The following SAMD13 variants were observed in gnomAD, a reference collection of about 807,000 sequenced individuals.
SAMD13 encodes sterile alpha motif domain-containing protein 13.
Under a neutral mutation model 12.4 loss-of-function variants are expected in SAMD13, and 9 were observed. The observed-to-expected ratio is 0.72, with a 90% CI of 0.44 to 1.26. The LOEUF (loss-of-function observed/expected upper bound fraction) is 1.26, where lower values mean the gene tolerates loss of function less well. SAMD13 is among the 50% of genes most tolerant of loss of function. The pLI, the probability that SAMD13 is intolerant of heterozygous loss-of-function variation, is 0.00. For missense variants in SAMD13, 84 were observed against 119.6 expected (o/e 0.70, Z 1.39); for synonymous variants, 46 against 45.4 (o/e 1.01, Z -0.05).
chr1:84,305,160 T>C (rs899569474), intron 2 of SAMD13, among the ~76,000 whole-genome samples: 32 of 152,338 alleles, frequency 2.1e-4, no homozygotes, highest in Admixed American at 1.9e-3. Context: ...CATGTTCCAG[T>C]TGTTCCACAT....
intron 3 of SAMD13, among the ~76,000 whole-genome samples, chr1:84,326,807 A>G (rs1046462529): frequency 6.6e-6 from 1 of 152,312 alleles, no homozygotes; most frequent in East Asian, 1.9e-4. Context: ...TGGATAAGGT[A>G]AACTTTTCTA....
chr1:84,326,309 C>A (rs1373234876), intron 3 of SAMD13, among the ~76,000 whole-genome samples: 1 of 152,164 alleles, frequency 6.6e-6, no homozygotes, highest in African/African-American at 2.4e-5. Flanking sequence ...ATATCTATAA[C>A]ATCAGACTGT....
chr1:84,342,131 C>A (rs1267715375), intron 3 of SAMD13, among the ~76,000 whole-genome samples: 2 of 152,140 alleles, frequency 1.3e-5, no homozygotes, highest in African/African-American at 4.8e-5. Flanking sequence ...ATCATCCCTT[C>A]CCATCTCATT....
chr1:84,334,495 T>A (rs1338124010), intron 3 of SAMD13, among the ~76,000 whole-genome samples: 1 of 152,122 alleles, frequency 6.6e-6, no homozygotes, highest in Admixed American at 6.6e-5. Flanking sequence ...CATTTATTCT[T>A]TCAAAGGACC....
At chr1:84,325,887 G>T in intron 3 of SAMD13, 139 bp downstream of exon 3, 1 of 623,064 alleles carries the variant, frequency 1.6e-6, no homozygotes. Flanking sequence ...AGAAACTGAG[G>T]GGAAGGAGAA....
chr1:84,317,928 C>T (rs1678869278), intron 2 of SAMD13, among the ~76,000 whole-genome samples: 1 of 152,038 alleles, frequency 6.6e-6, no homozygotes, highest in South Asian at 2.1e-4. Context: ...GGGTTGTATG[C>T]TTCTAGGGAC....
intron 2 of SAMD13, among the ~76,000 whole-genome samples, chr1:84,317,043 T>C (rs1432982390): frequency 6.6e-6 from 1 of 152,158 alleles, no homozygotes; most frequent in Non-Finnish European, 1.5e-5. Flanking sequence ...TTTTTCTATG[T>C]TGATTTTTGT....
chr1:84,342,459 C>A (rs1230399635), intron 3 of SAMD13, among the ~76,000 whole-genome samples: 2 of 152,116 alleles, frequency 1.3e-5, no homozygotes. Context: ...TAAAACTATA[C>A]TGTAAGGCCA....
chr1:84,313,233 T>C (rs1192986921), intron 2 of SAMD13, among the ~76,000 whole-genome samples: 3 of 152,142 alleles, frequency 2.0e-5, no homozygotes, highest in Non-Finnish European at 4.4e-5. Context: ...AATGTATACA[T>C]ATATTCAAAG....
At chr1:84,331,417 TG>T (rs1392330607) in intron 3 of SAMD13, among the ~76,000 whole-genome samples, 1 of 150,354 alleles carries the variant, frequency 6.7e-6, no homozygotes, top group African/African-American at 2.4e-5. Context: ...ATGGCAAATC[TG>T]GCTTTGAATT....
chr1:84,299,721 A>C (rs1460196232), upstream of SAMD13: 8 of 740,142 alleles, frequency 1.1e-5, no homozygotes, highest in East Asian at 3.3e-4. Context: ...GTTTACTACC[A>C]AAGTTAGAAA....
intron 3 of SAMD13, among the ~76,000 whole-genome samples, chr1:84,344,387 AG>A (rs1390879342): frequency 6.6e-6 from 1 of 152,208 alleles, no homozygotes; most frequent in Non-Finnish European, 1.5e-5. Flanking sequence ...TAGGAAGGCA[AG>A]GCAAGCACAG....
intron 2 of SAMD13, among the ~76,000 whole-genome samples, chr1:84,311,236 T>C (rs1291378594): frequency 6.6e-6 from 1 of 150,398 alleles, no homozygotes; most frequent in African/African-American, 2.5e-5. Context: ...CTTGGGAGGC[T>C]GAGGCAGGAG....
At chr1:84,319,291 A>G (rs1269227754) in intron 2 of SAMD13, among the ~76,000 whole-genome samples, 2 of 152,140 alleles carry the variant, frequency 1.3e-5, no homozygotes, top group Non-Finnish European at 2.9e-5. Context: ...CATGAATTGT[A>G]TCTGATAGTA....
intron 3 of SAMD13, among the ~76,000 whole-genome samples, chr1:84,345,534 G>A (rs17131611): frequency 0.034 from 5,192 of 152,190 alleles, 115 homozygotes; most frequent in South Asian, 0.076. Flanking sequence ...GCACCATCTG[G>A]GACAGTAGAG....
chr1:84,309,550 G>A (rs915888212), intron 2 of SAMD13, among the ~76,000 whole-genome samples: 1 of 152,122 alleles, frequency 6.6e-6, no homozygotes, highest in Admixed American at 6.6e-5. Context: ...GTGGACCCTT[G>A]TTCAGATCTC....
At chr1:84,298,660 A>C (rs1678368124), upstream of SAMD13, 1 of 1,160,252 alleles carries the variant, frequency 8.6e-7, no homozygotes, top group African/African-American at 1.6e-5. Context: ...CGCAATGAAA[A>C]CCGCTCTGCC....
chr1:84,307,463 G>A (rs760572830), intron 2 of SAMD13, among the ~76,000 whole-genome samples: 3 of 152,004 alleles, frequency 2.0e-5, no homozygotes, highest in Non-Finnish European at 4.4e-5. Context: ...ATAGAATATG[G>A]CCTTAATAAC....
intron 2 of SAMD13, among the ~76,000 whole-genome samples, chr1:84,307,330 C>T (rs1187218577): frequency 6.6e-6 from 1 of 152,070 alleles, no homozygotes; most frequent in Admixed American, 6.6e-5. Flanking sequence ...TCAATTCCAC[C>T]AATGCATTTT....
Sources: gnomAD v4.1 joint callset for allele counts (sites outside exome capture counted in the v4.1 genomes callset) on GRCh38, gnomAD v4.1.1 for gene constraint, MANE v1.5 for transcripts, NCBI Gene and HGNC (gene_info 2026-07-23, HGNC 2026-07-21) for gene names.